The following SGCZ variants were observed in gnomAD, a reference collection of about 807,000 sequenced individuals.
The protein encoded by SGCZ is zeta-sarcoglycan.
In SGCZ, 40 loss-of-function variants were observed where a neutral mutation model predicts 41.3. The ratio of observed to expected loss-of-function variants is 0.97; its 90% CI spans 0.75 to 1.26. The LOEUF is 1.26. SGCZ is among the 50% of genes most tolerant of loss of function. The probability of loss-of-function intolerance (pLI) is 0.00; values close to 1 mark genes in which losing one functional copy is unlikely to be tolerated. For missense variants in SGCZ, 552 were observed against 369.8 expected (o/e 1.49, Z -4.04); for synonymous variants, 206 against 137.5 (o/e 1.50, Z -3.49).
chr8:14,981,637 A>G (rs922785682), intron 1 of SGCZ, among the ~76,000 whole-genome samples: 1 of 152,202 alleles, frequency 6.6e-6, no homozygotes, highest in African/African-American at 2.4e-5. Context: ...CATGTGGTCC[A>G]ACTCACATGA....
At chr8:14,178,791 T>A (rs1804632380) in intron 4 of SGCZ, among the ~76,000 whole-genome samples, 1 of 152,208 alleles carries the variant, frequency 6.6e-6, no homozygotes, top group African/African-American at 2.4e-5. Flanking sequence ...ATAAATAAAT[T>A]GAGTAAATGT....
rs573865541 is a variant in SGCZ at position 14,656,629 on chromosome 8, C to T, written c.40-101703G>A. Among the ~76,000 whole-genome samples, 16 of 146,406 alleles carry T rather than the reference C, an allele frequency of 1.1e-4. No homozygotes were observed. The South Asian group carries it at 2.6e-3, about 24-fold the overall frequency. On this transcript the variant is annotated intron_variant, in intron 1 of 7. Transcript: ENST00000382080. ...TCCCTCTCCTCTCTCTCTCTCTCTC[C>T]TCCCCTCTCCTTTCCTCTCCTTTCA...
At chr8:14,306,486 T>C (rs992162850) in intron 3 of SGCZ, among the ~76,000 whole-genome samples, 1 of 152,196 alleles carries the variant, frequency 6.6e-6, no homozygotes, top group African/African-American at 2.4e-5. Context: ...TTTTCCAGTT[T>C]ATCTCTTTGA....
intron 1 of SGCZ, among the ~76,000 whole-genome samples, chr8:14,891,133 T>C (rs1223570198): frequency 6.6e-6 from 1 of 152,198 alleles, no homozygotes; most frequent in East Asian, 1.9e-4. Context: ...GTGCAGCCCA[T>C]GGATCAAGGA....
In SGCZ at chr8:15,118,741, T is replaced by C. The variant is rs527677396; in HGVS notation, c.39+118844A>G. ...TTTGTGGTATATTAGGAAAAAAAAA[T>C]AGAAAAGGCACCCTAGGAACTTAGG... On this transcript the variant is annotated intron_variant, in intron 1 of 7. Transcript: ENST00000382080. 2.0e-4 allele frequency among the ~76,000 whole-genome samples: 31 copies of C among 152,094 alleles called. No individual in the cohort carries two copies. In the South Asian group the frequency reaches 5.8e-3, roughly 28 times the overall value.
chr8:15,042,052 T>C (rs73521092), intron 1 of SGCZ, among the ~76,000 whole-genome samples: 17,048 of 152,222 alleles, frequency 0.11, 1,191 homozygotes, highest in African/African-American at 0.17. Context: ...TCTCTTCTCT[T>C]TTTTTGCAGG....
chr8:14,886,011 AT>A (rs1563339108), intron 1 of SGCZ, among the ~76,000 whole-genome samples: 35 of 120,604 alleles, frequency 2.9e-4, no homozygotes, highest in African/African-American at 7.6e-4. Flanking sequence ...ATATATATAT[AT>A]ATATATATAT....
In SGCZ at chr8:15,238,226, G is replaced by C. The variant is rs897937457; in HGVS notation, c.-603C>G. The C allele has an allele frequency of 6.6e-6, 1 of 152,182 alleles. No homozygotes were observed. 9.4% of individuals were successfully genotyped at this position (152,182 alleles called of 1,614,324 possible). ...TAGCTGAGAGGTATTTTCTCAGTGGGGAAAAGAAGATAATCAAGTCAGAAG... is the reference window on the plus strand; with the variant it reads ...TAGCTGAGAGGTATTTTCTCAGTGGCGAAAAGAAGATAATCAAGTCAGAAG... On this transcript the variant is annotated 5_prime_UTR_variant, in exon 1 of 8. Transcript: ENST00000382080.
intron 1 of SGCZ, among the ~76,000 whole-genome samples, chr8:14,667,937 G>A (rs1423578998): frequency 1.3e-5 from 2 of 152,084 alleles, no homozygotes; most frequent in Non-Finnish European, 2.9e-5. Flanking sequence ...TTTCAACCAT[G>A]ATCCACCAAG....
chr8:14,253,099 G>T (rs1281470538), intron 3 of SGCZ, among the ~76,000 whole-genome samples: 1 of 152,010 alleles, frequency 6.6e-6, no homozygotes, highest in Non-Finnish European at 1.5e-5. Flanking sequence ...TGGAGGTAAG[G>T]GTTGAGAAGA....
intron 1 of SGCZ, among the ~76,000 whole-genome samples, chr8:15,005,315 T>TG (rs199965436): frequency 0.51 from 71,578 of 139,882 alleles, 17,810 homozygotes; most frequent in South Asian, 0.59. Context: ...CCCTCCCCCG[T>TG]TTTTTTCTTT....
At chr8:14,643,148 A>G (rs80272165) in intron 1 of SGCZ, among the ~76,000 whole-genome samples, 1 of 151,686 alleles carries the variant, frequency 6.6e-6, no homozygotes, top group African/African-American at 2.4e-5. Flanking sequence ...ATAGCAAAAT[A>G]GATGAAGGGG....
chr8:15,167,598 G>T (rs10105585), intron 1 of SGCZ, among the ~76,000 whole-genome samples: 1 of 151,992 alleles, frequency 6.6e-6, no homozygotes, highest in Non-Finnish European at 1.5e-5. Context: ...TTCTTTCTGC[G>T]CTTTATGCAA....
At chr8:14,218,317 G>A (rs1806071630) in intron 4 of SGCZ, among the ~76,000 whole-genome samples, 1 of 152,048 alleles carries the variant, frequency 6.6e-6, no homozygotes, top group African/African-American at 2.4e-5. Flanking sequence ...ATGTTAAAAG[G>A]TATACCAGTT....
chr8:14,365,596 C>A lies in SGCZ; in HGVS notation c.235-41392G>T, dbSNP rs1803674369. On this transcript the variant is annotated intron_variant, in intron 2 of 7. Coordinates refer to ENST00000382080, the MANE Select transcript of SGCZ (RefSeq NM_139167.4). ...GGGATTGTTTCACAATTACTATTCT[C>A]TTGAAAAGTTTAAGGTTAATGTTAA... is the stretch of plus-strand genomic sequence containing the variant. Among the ~76,000 whole-genome samples the A allele has an allele frequency of 2.0e-5, 3 of 151,994 alleles. No homozygotes were observed. In the South Asian group the frequency reaches 6.2e-4, roughly 31 times the overall value.
At chr8:14,825,270 C>T (rs993081315) in intron 1 of SGCZ, among the ~76,000 whole-genome samples, 2 of 152,150 alleles carry the variant, frequency 1.3e-5, no homozygotes, top group African/African-American at 4.8e-5. Context: ...CATGAAATCT[C>T]TAATTACCTG....
At chr8:14,479,376 T>G (rs1801457409) in intron 2 of SGCZ, among the ~76,000 whole-genome samples, 1 of 152,188 alleles carries the variant, frequency 6.6e-6, no homozygotes, top group South Asian at 2.1e-4. Context: ...CTCCGCCTGC[T>G]TTTATTTCAG....
intron 1 of SGCZ, among the ~76,000 whole-genome samples, chr8:15,018,861 A>G (rs1288408229): frequency 6.6e-6 from 1 of 152,206 alleles, no homozygotes; most frequent in Non-Finnish European, 1.5e-5. Flanking sequence ...AGGAGATCTC[A>G]GGAAACTTAC....
At chr8:14,646,995 T>C (rs1807243402) in intron 1 of SGCZ, among the ~76,000 whole-genome samples, 1 of 151,964 alleles carries the variant, frequency 6.6e-6, no homozygotes, top group African/African-American at 2.4e-5. Context: ...ATTTAGGTCG[T>C]AGAGCTTCCT....
Sources: gnomAD v4.1 joint callset for allele counts (sites outside exome capture counted in the v4.1 genomes callset) on GRCh38, gnomAD v4.1.1 for gene constraint, MANE v1.5 for transcripts, NCBI Gene and HGNC (gene_info 2026-07-23, HGNC 2026-07-21) for gene names.